Variants in DIS3L2 observed in about 807,000 individuals in gnomAD.
DIS3L2 encodes DIS3-like exonuclease 2.
DIS3L2 carries 34 observed loss-of-function variants against 97.5 expected under a neutral mutation model. That is an observed-to-expected ratio of 0.35 (90% CI 0.27 to 0.46). The LOEUF is 0.46. Ranked by LOEUF, DIS3L2 falls within the 20% of genes least tolerant of loss-of-function variation. DIS3L2 has a pLI of 1.00. For synonymous variants in DIS3L2, 435 were observed against 445.2 expected (o/e 0.98, Z 0.29); for missense variants, 1,038 against 1,146.0 (o/e 0.91, Z 1.36).
intron 5 of DIS3L2, among the ~76,000 whole-genome samples, chr2:232,061,101 A>G (rs1695691163): frequency 6.6e-6 from 1 of 152,198 alleles, no homozygotes; most frequent in African/African-American, 2.4e-5. Context: ...AAACAAGAAT[A>G]CTTTGACTTC....
chr2:232,339,623 T>C (rs958994354), downstream of DIS3L2: 5 of 435,306 alleles, frequency 1.1e-5, no homozygotes, highest in African/African-American at 6.0e-5. Flanking sequence ...TCCAGGCCAC[T>C]GCAGGGTGTT....
At chr2:232,084,995 T>C (rs1449136033) in intron 5 of DIS3L2, among the ~76,000 whole-genome samples, 13 of 152,206 alleles carry the variant, frequency 8.5e-5, no homozygotes, top group Admixed American at 8.5e-4. Context: ...ATTAAAATGC[T>C]TTAGGAAAGA....
intron 1 of DIS3L2, among the ~76,000 whole-genome samples, chr2:231,973,641 G>A (rs745973791): frequency 1.3e-5 from 2 of 152,016 alleles, no homozygotes; most frequent in East Asian, 1.9e-4. Flanking sequence ...ATCCTCCTGC[G>A]TAGACCTCCC....
chr2:232,054,179 A>C (rs952932864), intron 5 of DIS3L2, among the ~76,000 whole-genome samples: 37 of 152,344 alleles, frequency 2.4e-4, no homozygotes, highest in African/African-American at 8.9e-4. Context: ...TGACAGTATC[A>C]GTGTTTCTTT....
intron 13 of DIS3L2, among the ~76,000 whole-genome samples, chr2:232,291,669 AC>A (rs1195591698): frequency 1.2e-4 from 18 of 152,122 alleles, no homozygotes; most frequent in African/African-American, 3.6e-4. Context: ...CTTACCAGTG[AC>A]CTCCCTCATT....
At chr2:232,074,739 C>G (rs1696134326) in intron 5 of DIS3L2, among the ~76,000 whole-genome samples, 1 of 152,034 alleles carries the variant, frequency 6.6e-6, no homozygotes, top group African/African-American at 2.4e-5. Flanking sequence ...CGCATGTCAC[C>G]ATGCCTGGCT....
At chr2:232,216,263 G>A (rs1468950543) in intron 10 of DIS3L2, among the ~76,000 whole-genome samples, 2 of 152,182 alleles carry the variant, frequency 1.3e-5, no homozygotes, top group African/African-American at 2.4e-5. Flanking sequence ...ACAGCACTTG[G>A]CTCTTTAGTC....
intron 6 of DIS3L2, among the ~76,000 whole-genome samples, chr2:232,096,892 A>G (rs1216600422): frequency 6.6e-6 from 1 of 152,178 alleles, no homozygotes. Context: ...CTGAAAGGTT[A>G]CATATCTCTG....
chr2:232,240,754 A>G (rs187481407), intron 11 of DIS3L2, among the ~76,000 whole-genome samples: 1 of 152,130 alleles, frequency 6.6e-6, no homozygotes, highest in Admixed American at 6.5e-5. Flanking sequence ...CAAACTTCTG[A>G]CCCACAAGTA....
intron 1 of DIS3L2, among the ~76,000 whole-genome samples, chr2:231,976,916 C>T (rs1421945795): frequency 6.6e-6 from 1 of 151,742 alleles, no homozygotes; most frequent in Non-Finnish European, 1.5e-5. Flanking sequence ...AGCAGGTGCC[C>T]GCCACCACGC....
intron 1 of DIS3L2, among the ~76,000 whole-genome samples, chr2:231,970,825 T>TA (rs1559503256): frequency 4.5e-4 from 68 of 151,916 alleles, no homozygotes; most frequent in East Asian, 2.3e-3. Flanking sequence ...TTTAATTTTT[T>TA]ATATTTTGAT....
In DIS3L2 at chr2:232,142,735, G is replaced by A. The variant is rs568990027; in HGVS notation, c.950+6016G>A. Among the ~76,000 whole-genome samples, 232 of 152,248 alleles carry A rather than the reference G, an allele frequency of 1.5e-3. 2 individuals carry two copies. The highest frequency in any genetic ancestry group is 5.1e-3 in the African/African-American group (212 of 41,550). ...GTCATAGTACTGAGCCATAAGAAGC[G>A]AAAATAACTCGTTCCCTCTCCTGAT... On this transcript the variant is annotated intron_variant, in intron 8 of 20. Coordinates refer to ENST00000325385, the MANE Select transcript of DIS3L2 (RefSeq NM_152383.5).
At chr2:231,993,159 A>G (rs980619755) in intron 1 of DIS3L2, among the ~76,000 whole-genome samples, 3 of 151,946 alleles carry the variant, frequency 2.0e-5, no homozygotes, top group Non-Finnish European at 2.9e-5. Context: ...CTACCCCTCT[A>G]TCCTCATTCA....
At chr2:232,192,061 G>A (rs1691631389) in intron 9 of DIS3L2, among the ~76,000 whole-genome samples, 1 of 152,112 alleles carries the variant, frequency 6.6e-6, no homozygotes, top group African/African-American at 2.4e-5. Flanking sequence ...ATAGCTAGTA[G>A]ATCATCTTCC....
At chr2:232,222,477 AT>A (rs539942261) in intron 10 of DIS3L2, among the ~76,000 whole-genome samples, 86 of 148,258 alleles carry the variant, frequency 5.8e-4, no homozygotes, top group Non-Finnish European at 8.7e-4. Context: ...CAAGTGAACA[AT>A]TTTTTTTTTT....
chr2:232,249,118 G>A (rs1693345831), intron 11 of DIS3L2, 121 bp from the exon 12 acceptor site: 1 of 877,908 alleles, frequency 1.1e-6, no homozygotes. Context: ...TTTGGGAACA[G>A]AGCCACCTCC....
At chr2:232,232,884 G>A (rs1370569606) in intron 10 of DIS3L2, among the ~76,000 whole-genome samples, 1 of 152,152 alleles carries the variant, frequency 6.6e-6, no homozygotes, top group African/African-American at 2.4e-5. Context: ...GGCAGAGCAC[G>A]GAGGCTTGGC....
At chr2:232,329,785 T>TCCCGGGGGGGGGGGCCCC in intron 14 of DIS3L2, 28 bp from the exon 15 acceptor site, 5 of 967,138 alleles carry the variant, frequency 5.2e-6, no homozygotes, top group Admixed American at 3.4e-5. Flanking sequence ...ACCCCAGCGG[T>TCCCGGGGGGGGGGGCCCC]CCCTCCCATC....
chr2:232,008,948 A>G (rs1425691321), intron 1 of DIS3L2, among the ~76,000 whole-genome samples: 2 of 152,106 alleles, frequency 1.3e-5, no homozygotes, highest in African/African-American at 4.8e-5. Flanking sequence ...TAATTCATCT[A>G]CCTTCAAATT....
Sources: allele counts gnomAD v4.1 joint callset (sites outside exome capture counted in the v4.1 genomes callset), GRCh38; gene constraint gnomAD v4.1.1; transcripts MANE v1.5; gene names NCBI Gene and HGNC (gene_info 2026-07-23, HGNC 2026-07-21).